The following KAZN variants were observed in gnomAD, a reference collection of about 807,000 sequenced individuals.
The protein encoded by KAZN is kazrin.
A neutral mutation model predicts 87.4 loss-of-function variants in KAZN; 40 were observed. The observed-to-expected ratio is 0.46, with a 90% CI of 0.36 to 0.60. KAZN has a LOEUF of 0.60. Among genes scored for constraint, KAZN ranks in the 20% least tolerant of loss-of-function variants. KAZN has a pLI of 0.00. For synonymous variants in KAZN, 466 were observed against 458.3 expected (o/e 1.02, Z -0.22); for missense variants, 898 against 1,073.9 (o/e 0.84, Z 2.29).
chr1:14,764,451 C>T (rs980492339), intron 1 of KAZN, among the ~76,000 whole-genome samples: 10 of 143,846 alleles, frequency 7.0e-5, no homozygotes, highest in African/African-American at 2.6e-4. Flanking sequence ...ACATGATATA[C>T]GATTTACTGA....
chr1:14,743,085 A>G (rs1644156692), intron 1 of KAZN, among the ~76,000 whole-genome samples: 1 of 152,270 alleles, frequency 6.6e-6, no homozygotes, highest in Admixed American at 6.5e-5. Flanking sequence ...GGTGCGTCGC[A>G]GGCATGAAGA....
chr1:15,021,293 G>C lies in KAZN; in HGVS notation c.419-13456G>C, dbSNP rs116459881. Among the ~76,000 whole-genome samples the C allele has an allele frequency of 5.8e-3, 886 of 152,284 alleles. 8 individuals are homozygous for C. The highest frequency in any genetic ancestry group is 0.01 in the Middle Eastern group (3 of 294). ...ACACAAGCCTTTAAAAATAGTCCTC[G>C]TTGTGTGGGGCATGGGGCCTGAGGC... On this transcript the variant is annotated intron_variant, in intron 2 of 14. Coordinates refer to ENST00000376030, the MANE Select transcript of KAZN (RefSeq NM_201628.3). The surrounding 1 kb of genome is among the most constrained non-coding windows in gnomAD (Gnocchi z 4.2).
chr1:14,624,574 G>A (rs997876015), intron 1 of KAZN, among the ~76,000 whole-genome samples: 2 of 152,044 alleles, frequency 1.3e-5, no homozygotes, highest in African/African-American at 4.8e-5. Flanking sequence ...CAAATTGACT[G>A]CTTTATCATC....
At chr1:14,726,561 T>G (rs941083674) in intron 1 of KAZN, among the ~76,000 whole-genome samples, 17 of 152,208 alleles carry the variant, frequency 1.1e-4, no homozygotes, top group Non-Finnish European at 1.5e-5. Context: ...TGGGTTGGGT[T>G]GTACAAAGAC....
intron 1 of KAZN, among the ~76,000 whole-genome samples, chr1:13,987,089 A>G (rs1290548752): frequency 6.6e-6 from 1 of 152,190 alleles, no homozygotes; most frequent in African/African-American, 2.4e-5. Flanking sequence ...ATCTGACAGA[A>G]GGGTTCCTGG....
chr1:14,911,066 C>T (rs1657192796), intron 1 of KAZN, among the ~76,000 whole-genome samples: 1 of 152,210 alleles, frequency 6.6e-6, no homozygotes, highest in African/African-American at 2.4e-5. Context: ...GAACAAGCTC[C>T]ATGCCAGGCC....
chr1:15,104,173 G>A lies in KAZN; in HGVS notation c.2032G>A (p.Val678Ile), dbSNP rs545673997. 2.3e-5 allele frequency: 37 copies of A among 1,587,080 alleles called. No homozygotes were observed. The highest frequency in any genetic ancestry group is 1.7e-4 in the South Asian group (15 of 86,684). The change falls in exon 13 of 15, where the codon GTC becomes ATC. Residue 678 changes from valine (V) to isoleucine (I), a missense_variant. Val to Ile is a conservative substitution (Grantham distance 29, BLOSUM62 3). Coordinates refer to ENST00000376030, the MANE Select transcript of KAZN (RefSeq NM_201628.3). ...ACACCTGGCAGAGGAGATGAGCGCCGTCTTCCACCCAGCCAAGTGAGCACG... is the reference window on the plus strand; with the variant it reads ...ACACCTGGCAGAGGAGATGAGCGCCATCTTCCACCCAGCCAAGTGAGCACG... ...RRHLAEEMSAVFHPANSTGIR... is the reference protein window; with the variant it reads ...RRHLAEEMSAIFHPANSTGIR...
At chr1:14,278,260 C>A (rs1378494812) in intron 2 of KAZN, among the ~76,000 whole-genome samples, 1 of 146,536 alleles carries the variant, frequency 6.8e-6, no homozygotes, top group Non-Finnish European at 1.5e-5. Flanking sequence ...ATAACAGTAT[C>A]TTTATCACAC....
chr1:14,137,127 C>T (rs146883941), intron 1 of KAZN, among the ~76,000 whole-genome samples: 18 of 152,280 alleles, frequency 1.2e-4, no homozygotes, highest in African/African-American at 2.2e-4. Flanking sequence ...CAAAGGGAAA[C>T]GCTTTCATTA....
intron 1 of KAZN, among the ~76,000 whole-genome samples, chr1:14,823,974 C>A (rs1259305680): frequency 1.3e-5 from 2 of 152,032 alleles, no homozygotes; most frequent in Non-Finnish European, 2.9e-5. Flanking sequence ...ATTAGCCGGG[C>A]ATGCTGGCGC....
chr1:14,476,826 C>T (rs1009335500), intron 2 of KAZN, among the ~76,000 whole-genome samples: 2 of 152,126 alleles, frequency 1.3e-5, no homozygotes, highest in African/African-American at 4.8e-5. Flanking sequence ...TTCCTTTCTT[C>T]CATTCTCTTC....
chr1:13,895,925 A>G (rs764790835), intron 1 of KAZN, among the ~76,000 whole-genome samples: 2 of 151,680 alleles, frequency 1.3e-5, no homozygotes, highest in African/African-American at 4.8e-5. Context: ...TGACTTTTCA[A>G]TGATACCATT....
At chr1:14,634,061 T>C (rs1439143372) in intron 1 of KAZN, among the ~76,000 whole-genome samples, 1 of 152,082 alleles carries the variant, frequency 6.6e-6, no homozygotes, top group Non-Finnish European at 1.5e-5. Context: ...ATGTTAAATA[T>C]AAATATAGGG....
chr1:14,053,945 C>G (rs927723467), intron 1 of KAZN, among the ~76,000 whole-genome samples: 4 of 152,054 alleles, frequency 2.6e-5, no homozygotes, highest in African/African-American at 9.7e-5. Flanking sequence ...CTAAGGGAAG[C>G]ATAAGGAAGA....
At chr1:14,986,201 C>T (rs992186876) in intron 2 of KAZN, among the ~76,000 whole-genome samples, 10 of 152,030 alleles carry the variant, frequency 6.6e-5, no homozygotes, top group Admixed American at 6.6e-4. Flanking sequence ...TATGGACCTG[C>T]GTTCGATGAT....
chr1:13,898,005 C>T (rs1639108082), intron 1 of KAZN, among the ~76,000 whole-genome samples: 1 of 152,236 alleles, frequency 6.6e-6, no homozygotes, highest in Non-Finnish European at 1.5e-5. Context: ...GCAGGCATGA[C>T]CAATGGAGGC....
At chr1:14,530,158 C>T (rs1672130009) in intron 2 of KAZN, among the ~76,000 whole-genome samples, 1 of 152,274 alleles carries the variant, frequency 6.6e-6, no homozygotes, top group African/African-American at 2.4e-5. Context: ...AGACCACCTT[C>T]CCCCAGTGCC....
intron 1 of KAZN, among the ~76,000 whole-genome samples, chr1:14,745,407 C>G (rs972561858): frequency 6.6e-6 from 1 of 152,080 alleles, no homozygotes; most frequent in South Asian, 2.1e-4. Flanking sequence ...AATCGTGGGC[C>G]TTTTTTCTCT....
intron 1 of KAZN, among the ~76,000 whole-genome samples, chr1:14,826,729 C>T (rs575203125): frequency 6.6e-6 from 1 of 152,206 alleles, no homozygotes; most frequent in East Asian, 1.9e-4. Flanking sequence ...CCCCACATGC[C>T]CAACATGCAC....
Sources: gnomAD v4.1 joint callset for allele counts (sites outside exome capture counted in the v4.1 genomes callset) on GRCh38, gnomAD v4.1.1 for gene constraint, Gnocchi (gnomAD v3.1) non-coding constraint, MANE v1.5 for transcripts, NCBI Gene and HGNC (gene_info 2026-07-23, HGNC 2026-07-21) for gene names.